Variants in IFT122 observed in about 807,000 individuals in gnomAD.
IFT122 encodes intraflagellar transport protein 122 homolog.
In IFT122, 118 loss-of-function variants were observed where a neutral mutation model predicts 161.6. The observed-to-expected ratio is 0.73, with a 90% confidence interval of 0.63 to 0.85. The LOEUF is 0.85. Ranked by LOEUF, IFT122 falls within the 40% of genes least tolerant of loss-of-function variation. The pLI, the probability that IFT122 is intolerant of heterozygous loss-of-function variation, is 0.00. For synonymous variants in IFT122, 550 were observed against 602.4 expected (o/e 0.91, Z 1.27); for missense variants, 1,381 against 1,579.6 (o/e 0.87, Z 2.13).
At chr3:129,513,831 G>C (rs551688179) in intron 24 of IFT122, 2 of 241,312 alleles carry the variant, frequency 8.3e-6, no homozygotes, top group East Asian at 1.1e-4. Context: ...CCTGAGAGGA[G>C]AGCACAAAGG....
chr3:129,463,102 A>G (rs904404146), intron 5 of IFT122: 3 of 155,924 alleles, frequency 1.9e-5, no homozygotes, highest in African/African-American at 4.8e-5. Flanking sequence ...CAAAGATGGT[A>G]CCAAGAAGTC....
intron 1 of IFT122, among the ~76,000 whole-genome samples, chr3:129,443,601 G>A: frequency 6.6e-6 from 1 of 152,210 alleles, no homozygotes; most frequent in East Asian, 1.9e-4. Flanking sequence ...GTCTAGGACA[G>A]TGCCATGCAC....
Position 129,519,671 on chromosome 3 carries a change from G to T in IFT122, c.3575G>T (p.Trp1192Leu). The T allele has an allele frequency of 6.2e-7, 1 of 1,613,762 alleles. No individual in the cohort carries two copies. Among genetic ancestry groups the T allele is most frequent in the Non-Finnish European group, 8.5e-7 (1 of 1,180,016 alleles). The change falls in exon 29 of 30, where the codon TGG becomes TTG. Residue 1192 changes from tryptophan (W) to leucine (L), a missense_variant. Trp to Leu is a moderately conservative substitution (Grantham distance 61, BLOSUM62 -2). Around this residue, in one of 7 missense-constraint regions of IFT122, gnomAD observed 177 missense variants for 199.2 expected, o/e 0.89. Coordinates refer to ENST00000348417, the MANE Select transcript of IFT122 (RefSeq NM_052989.3). ...AAGCGATGGCCCCCACCCCTGAGGT[G>T]GCAATACTTCCGCTCACTGCTGCCT... ...LIKRWPPPLR[W>L]QYFRSLLPDA...
rs2083110610 is a variant in IFT122, at chr3:129,513,724, T to C, written c.2988-665T>C. Reference sequence around the variant, plus strand: ...GAAACTCTCCACAGAACTGCTGAAGTGGACGGGGCTGCACTGCAGACGGCG... The same window carrying C: ...GAAACTCTCCACAGAACTGCTGAAGCGGACGGGGCTGCACTGCAGACGGCG... On this transcript the variant is annotated intron_variant, in intron 24 of 29. Transcript: ENST00000348417. 4 of 167,594 alleles carry C rather than the reference T, an allele frequency of 2.4e-5. No homozygotes were observed. The South Asian group carries it at 5.9e-4, about 25-fold the overall frequency. The allele number at this position is 167,594 out of a possible 1,614,324, so 10.4% of individuals were successfully genotyped here. A position where few individuals can be genotyped will look rare whatever the true frequency, so the allele number is the denominator to read the frequency against.
intron 17 of IFT122, among the ~76,000 whole-genome samples, chr3:129,493,862 TA>T (rs909290924): frequency 4.6e-5 from 7 of 152,196 alleles, no homozygotes; most frequent in African/African-American, 1.7e-4. Context: ...GGTCAAAATG[TA>T]GTCCTCTCCT....
intron 15 of IFT122, 86 bp from the exon 16 acceptor site, chr3:129,488,171 C>T: frequency 6.2e-7 from 1 of 1,608,940 alleles, no homozygotes; most frequent in Non-Finnish European, 8.5e-7. Context: ...TCATCCCACG[C>T]ATCTGGAGGC....
intron 24 of IFT122, chr3:129,514,062 C>G (rs927068502): frequency 1.7e-5 from 7 of 407,556 alleles, no homozygotes; most frequent in Non-Finnish European, 2.8e-5. Context: ...CTAGGAGGGC[C>G]TGGCTGGCAG....
rs1199553542 is a variant in IFT122, at chr3:129,478,112, A to G, written c.1244A>G (p.Tyr415Cys). Residue 415 changes from tyrosine (Y) to cysteine (C), a missense_variant, in exon 12 of 30, where the codon TAT becomes TGT. By Grantham distance (194) the Tyr-to-Cys change is radical (BLOSUM62 -2). Coordinates refer to ENST00000348417, the MANE Select transcript of IFT122 (RefSeq NM_052989.3). ...GAGAAAATCCTCATCTATGAGTTGT[A>G]TTCAGAGGACTTATCAGACATGCAT... ...LPEKILIYEL[Y>C]SEDLSDMHYR... The G allele has an allele frequency of 6.2e-7, 1 of 1,613,986 alleles. No individual in the cohort carries two copies. The highest frequency in any genetic ancestry group is 1.3e-5 in the African/African-American group (1 of 74,944).
rs2076143795 is a variant in IFT122 at position 129,460,886 on chromosome 3, A to G, written c.273-342A>G. On this transcript the variant is annotated intron_variant, in intron 4 of 29. Coordinates refer to ENST00000348417, the MANE Select transcript of IFT122 (RefSeq NM_052989.3). ...TCTGTGATGTCTTCATTGCACCTCC[A>G]TCTTCCATTTCTGGGCCTCCACAAA... The G allele has an allele frequency of 6.2e-7, 1 of 1,614,068 alleles. No homozygotes were observed. The highest frequency in any genetic ancestry group is 8.5e-7 in the Non-Finnish European group (1 of 1,179,972).
intron 23 of IFT122, among the ~76,000 whole-genome samples, chr3:129,509,574 A>G (rs2082562946): frequency 6.6e-6 from 1 of 152,232 alleles, no homozygotes; most frequent in South Asian, 2.1e-4. Flanking sequence ...TTTTTTGTCT[A>G]ACATCATTTG....
intron 6 of IFT122, among the ~76,000 whole-genome samples, chr3:129,464,054 C>T (rs1476793479): frequency 6.6e-6 from 1 of 152,198 alleles, no homozygotes; most frequent in Non-Finnish European, 1.5e-5. Flanking sequence ...TTACGTTCCT[C>T]ATCTGACAGA....
intron 4 of IFT122, chr3:129,459,377 C>G (rs1453808763): frequency 2.3e-6 from 1 of 432,052 alleles, no homozygotes; most frequent in Non-Finnish European, 4.6e-6. Context: ...GCAAGCTCCA[C>G]CTCCCAGGTT....
intron 1 of IFT122, among the ~76,000 whole-genome samples, chr3:129,444,105 A>AC (rs762887663): frequency 3.5e-4 from 54 of 152,314 alleles, no homozygotes; most frequent in South Asian, 6.2e-4. Context: ...TGGCTTGTGC[A>AC]CCCCGTGAGT....
chr3:129,479,169 C>G (rs1228223310), intron 12 of IFT122, among the ~76,000 whole-genome samples: 1 of 150,426 alleles, frequency 6.6e-6, no homozygotes, highest in Non-Finnish European at 1.5e-5. Context: ...GCCTGTAAAT[C>G]CCAGCACTTT....
At chr3:129,518,754 G>C (rs2084339523) in intron 27 of IFT122, among the ~76,000 whole-genome samples, 1 of 152,150 alleles carries the variant, frequency 6.6e-6, no homozygotes, top group Non-Finnish European at 1.5e-5. Flanking sequence ...TCTCGCCCCT[G>C]TCTGCTCCAT....
At chr3:129,478,348 G>T in intron 12 of IFT122, 130 bp downstream of exon 12, 1 of 741,030 alleles carries the variant, frequency 1.3e-6, no homozygotes. Flanking sequence ...ACTAAGTGGT[G>T]CTTATTGGCT....
intron 9 of IFT122, 25 bp downstream of exon 9, chr3:129,469,442 TTGCAGTCA>T (rs1559889758): frequency 6.5e-7 from 1 of 1,539,574 alleles, no homozygotes. Context: ...ACAAATCCAA[TTGCAGTCA>T]TGCCTGTTAT....
intron 2 of IFT122, among the ~76,000 whole-genome samples, 185 bp downstream of exon 2, chr3:129,450,122 A>C (rs1166246294): frequency 6.6e-6 from 1 of 152,176 alleles, no homozygotes; most frequent in African/African-American, 2.4e-5. Context: ...CTATCAGATA[A>C]GAACCTGTGA....
intron 27 of IFT122, among the ~76,000 whole-genome samples, chr3:129,517,968 A>G (rs2084208349): frequency 6.6e-6 from 1 of 152,218 alleles, no homozygotes; most frequent in African/African-American, 2.4e-5. Context: ...TCACTTTCGC[A>G]TGCAAGTGAC....
Sources: allele counts gnomAD v4.1 joint callset (sites outside exome capture counted in the v4.1 genomes callset), GRCh38; gene constraint gnomAD v4.1.1; regional missense constraint gnomAD v4.1.1; transcripts MANE v1.5; gene names NCBI Gene and HGNC (gene_info 2026-07-23, HGNC 2026-07-21).